The following EIF3B variants were observed in gnomAD, a reference collection of about 807,000 sequenced individuals.
EIF3B encodes the protein eukaryotic translation initiation factor 3 subunit B.
Under a neutral mutation model 104.6 loss-of-function variants are expected in EIF3B, and 10 were observed. The observed-to-expected ratio is 0.10, with a 90% CI of 0.06 to 0.16. The LOEUF (loss-of-function observed/expected upper bound fraction) is 0.16, where lower values mean the gene tolerates loss of function less well. EIF3B is among the 10% of genes least tolerant of loss of function. The probability of loss-of-function intolerance (pLI) is 1.00; values close to 1 mark genes in which losing one functional copy is unlikely to be tolerated. For synonymous variants in EIF3B, 542 were observed against 417.2 expected (o/e 1.30, Z -3.65); for missense variants, 1,014 against 1,087.9 (o/e 0.93, Z 0.96).
chr7:2,358,924 T>C (rs1429469258), intron 1 of EIF3B, among the ~76,000 whole-genome samples: 1 of 152,174 alleles, frequency 6.6e-6, no homozygotes, highest in Non-Finnish European at 1.5e-5. Context: ...AAAAAAATAC[T>C]GTTATTTAAT....
intron 15 of EIF3B, among the ~76,000 whole-genome samples, chr7:2,377,502 CTGTGTTGTGTGAATGA>C (rs1194941390): frequency 1.0e-4 from 14 of 139,856 alleles, no homozygotes; most frequent in East Asian, 6.3e-4. Flanking sequence ...TCCTGGGATG[CTGTGTTGTGTGAATGA>C]CCCTGGGTGT....
intron 1 of EIF3B, among the ~76,000 whole-genome samples, chr7:2,357,674 T>C (rs1779522734): frequency 1.3e-5 from 2 of 152,200 alleles, no homozygotes; most frequent in African/African-American, 4.8e-5. Flanking sequence ...TGAGAATTGT[T>C]CTCTTCTGTT....
Position 2,377,557 on chromosome 7 carries a change from C to T in EIF3B, c.2154+482C>T, listed in dbSNP as rs111759989. 8.1e-3 allele frequency among the ~76,000 whole-genome samples: 735 copies of T among 90,432 alleles called. 3 individuals are homozygous for T. The highest frequency in any genetic ancestry group is 0.043 in the African/African-American group (606 of 14,236). The allele number at this position is 90,432 out of a possible 152,430, so 59.3% of individuals were successfully genotyped here. On this transcript the variant is annotated intron_variant, in intron 15 of 18. Coordinates refer to ENST00000360876, the MANE Select transcript of EIF3B (RefSeq NM_001037283.2). ...GGAGGAAGGAGCAGGCACGAGCGCT[C>T]CTGGGATGCTGTGTTCTGTGAATGA...
chr7:2,355,050 G>T lies in EIF3B; in HGVS notation c.129G>T (p.Pro43=), dbSNP rs1562470729. The T allele has an allele frequency of 1.2e-5, 14 of 1,214,680 alleles. No homozygotes were observed. Among genetic ancestry groups the T allele is most frequent in the Non-Finnish European group, 1.4e-5 (14 of 977,630 alleles). The allele number at this position is 1,214,680 out of a possible 1,614,324, so 75.2% of individuals were successfully genotyped here. Residue 43 remains proline (P), a synonymous_variant, in exon 1 of 19, where the codon CCG becomes CCT. Coordinates refer to ENST00000360876, the MANE Select transcript of EIF3B (RefSeq NM_001037283.2). ...GLLRPAGPGA[P]EAAGTEASSE... is the part of the protein sequence containing the mutation. ...TGCGGCCCGCGGGGCCCGGCGCTCC[G>T]GAGGCCGCGGGGACCGAGGCCTCCA... is the stretch of plus-strand genomic sequence containing the variant.
At chr7:2,376,777 T>TG in intron 14 of EIF3B, 173 bp from the exon 15 acceptor site, 1 of 873,006 alleles carries the variant, frequency 1.1e-6, no homozygotes, top group Non-Finnish European at 1.7e-6. Flanking sequence ...GGTTGCATAA[T>TG]GGAGGTGTCT....
intron 13 of EIF3B, 44 bp from the exon 14 acceptor site, chr7:2,375,345 G>A (rs753963774): frequency 2.5e-6 from 4 of 1,609,702 alleles, no homozygotes; most frequent in African/African-American, 1.3e-5. Context: ...ATGCCAGGAG[G>A]TATGCGTCTC....
chr7:2,373,632 G>C (rs748255322), intron 12 of EIF3B: 1 of 152,222 alleles, frequency 6.6e-6, no homozygotes, highest in Non-Finnish European at 1.5e-5. Context: ...TTACAAGATT[G>C]GCTGTTTCAT....
chr7:2,378,514 A>T lies in EIF3B; in HGVS notation c.2155-175A>T, dbSNP rs181331533. ...GGAGCAGGCGCGAGTGCTGCTGGGA[A>T]GCTGTGTTGTGTGAATGACCCTGGG... is the stretch of plus-strand genomic sequence containing the variant. On this transcript the variant is annotated intron_variant, in intron 15 of 18. Transcript: ENST00000360876. 1.4e-3 allele frequency: 688 copies of T among 477,510 alleles called. 8 individuals are homozygous for T. The highest frequency in any genetic ancestry group is 9.4e-3 in the South Asian group (433 of 45,832). 29.6% of individuals were successfully genotyped at this position (477,510 alleles called of 1,614,324 possible). A position where few individuals can be genotyped will look rare whatever the true frequency, so the allele number is the denominator to read the frequency against.
chr7:2,369,892 T>A (rs990026062), intron 10 of EIF3B, among the ~76,000 whole-genome samples: 6 of 146,654 alleles, frequency 4.1e-5, no homozygotes, highest in African/African-American at 1.5e-4. Flanking sequence ...TTCTTCTGCC[T>A]CAGCTTCCCA....
intron 1 of EIF3B, among the ~76,000 whole-genome samples, chr7:2,357,366 C>T (rs923968839): frequency 2.0e-5 from 3 of 152,136 alleles, no homozygotes; most frequent in African/African-American, 4.8e-5. Flanking sequence ...TTTGTCATGG[C>T]CCTCCTGGTT....
In EIF3B at chr7:2,375,390, A is replaced by G. The variant is rs1780575883; in HGVS notation, c.1891A>G (p.Met631Val). 1.2e-6 allele frequency: 2 copies of G among 1,614,070 alleles called. No homozygotes were observed. Among genetic ancestry groups the G allele is most frequent in the Admixed American group, 1.7e-5 (1 of 60,002 alleles). Residue 631 changes from methionine to valine, a missense_variant and splice_region_variant, in exon 14 of 19, where the codon ATG becomes GTG. Physicochemically the swap from Met to Val is conservative, Grantham distance 21. Transcript: ENST00000360876. ...TGACGGTCCTGTCTGTCTTTGCAGTATGAACGGTGCCTTAGCGTTTGTGGA... is the reference window on the plus strand; with the variant it reads ...TGACGGTCCTGTCTGTCTTTGCAGTGTGAACGGTGCCTTAGCGTTTGTGGA... ...QFVVLAGLRSMNGALAFVDTS... is the reference protein window; with the variant it reads ...QFVVLAGLRSVNGALAFVDTS...
intron 15 of EIF3B, among the ~76,000 whole-genome samples, chr7:2,377,671 C>A (rs1335109088): frequency 2.6e-3 from 248 of 94,158 alleles, no homozygotes; most frequent in South Asian, 4.0e-3. Flanking sequence ...GAGGAAGGAG[C>A]AGGCGCGAGC....
chr7:2,371,955 CT>C, intron 11 of EIF3B, 106 bp downstream of exon 11: 1 of 885,008 alleles, frequency 1.1e-6, no homozygotes. Flanking sequence ...TGAGTCAGGA[CT>C]GTGAGCCCTC....
At chr7:2,362,458 C>G (rs1779783254) in intron 2 of EIF3B, among the ~76,000 whole-genome samples, 187 bp from the exon 3 acceptor site, 1 of 152,148 alleles carries the variant, frequency 6.6e-6, no homozygotes, top group African/African-American at 2.4e-5. Context: ...GTTAGGATTT[C>G]CCTGTCACTT....
chr7:2,379,341 G>A (rs962813178), intron 17 of EIF3B, 53 bp from the exon 18 acceptor site: 21 of 1,552,108 alleles, frequency 1.4e-5, no homozygotes, highest in East Asian at 4.7e-5. Flanking sequence ...TGGCCTCGGC[G>A]GTGCCACTAG....
At chr7:2,375,082 C>T (rs1780560763) in intron 13 of EIF3B, 1 of 422,092 alleles carries the variant, frequency 2.4e-6, no homozygotes, top group African/African-American at 2.0e-5. Flanking sequence ...AAAGAATACC[C>T]TTTTGTTGCT....
chr7:2,358,101 CTT>C (rs568625097), intron 1 of EIF3B, among the ~76,000 whole-genome samples: 1 of 146,986 alleles, frequency 6.8e-6, no homozygotes. Context: ...TCAATATTTC[CTT>C]TTTTTTTTTG....
intron 1 of EIF3B, among the ~76,000 whole-genome samples, chr7:2,358,045 A>G (rs1287976748): frequency 6.6e-6 from 1 of 151,820 alleles, no homozygotes; most frequent in Non-Finnish European, 1.5e-5. Context: ...TCTCAATTTT[A>G]GCATCGTTGA....
chr7:2,355,933 C>T (rs1178234676), intron 1 of EIF3B, among the ~76,000 whole-genome samples: 1 of 152,196 alleles, frequency 6.6e-6, no homozygotes, highest in East Asian at 1.9e-4. Context: ...GGGACAGGCA[C>T]CCTGTGAAAT....
Sources: gnomAD v4.1 joint callset for allele counts (sites outside exome capture counted in the v4.1 genomes callset) on GRCh38, gnomAD v4.1.1 for gene constraint, MANE v1.5 for transcripts, NCBI Gene and HGNC (gene_info 2026-07-23, HGNC 2026-07-21) for gene names.